PRKN: variants seen among roughly 807,000 people sequenced by gnomAD.
PRKN encodes the protein E3 ubiquitin-protein ligase parkin.
A neutral mutation model predicts 59.5 loss-of-function variants in PRKN; 56 were observed. That is an observed-to-expected ratio of 0.94 (90% CI 0.76 to 1.18). PRKN has a LOEUF of 1.18. Ranked by LOEUF, PRKN falls within the 50% of genes most tolerant of loss-of-function variation. PRKN has a pLI of 0.00. For missense variants in PRKN, 657 were observed against 596.4 expected, an observed-to-expected ratio of 1.10 and a Z score of -1.06; for synonymous variants, 250 against 222.1, an observed-to-expected ratio of 1.13 and a Z score of -1.12.
At chr6:161,887,477 T>C (rs1310629298) in intron 6 of PRKN, among the ~76,000 whole-genome samples, 1 of 152,220 alleles carries the variant, frequency 6.6e-6, no homozygotes, top group African/African-American at 2.4e-5. Flanking sequence ...CACTCCTTAA[T>C]TCACAGTATA....
At chr6:162,100,083 T>C (rs1373383038) in intron 4 of PRKN, among the ~76,000 whole-genome samples, 1 of 152,262 alleles carries the variant, frequency 6.6e-6, no homozygotes, top group Non-Finnish European at 1.5e-5. Flanking sequence ...GGTTCATCCA[T>C]GTTGTCACAG....
At chr6:161,845,814 A>T (rs1793175593) in intron 6 of PRKN, among the ~76,000 whole-genome samples, 1 of 152,180 alleles carries the variant, frequency 6.6e-6, no homozygotes, top group South Asian at 2.1e-4. Context: ...GATCTGATCC[A>T]TGACAGGGAG....
At chr6:161,491,921 C>T (rs984801309) in intron 9 of PRKN, among the ~76,000 whole-genome samples, 2 of 152,186 alleles carry the variant, frequency 1.3e-5, no homozygotes, top group African/African-American at 2.4e-5. Context: ...CGTGAGCCAC[C>T]GTGCCCGGCC....
chr6:162,328,184 C>A (rs902410705), intron 2 of PRKN, among the ~76,000 whole-genome samples: 3 of 50,390 alleles, frequency 6.0e-5, no homozygotes, highest in Non-Finnish European at 1.6e-4. Flanking sequence ...CATGGTGATA[C>A]CCCGTCTCTA....
In PRKN at chr6:162,384,895, G is replaced by C. The variant is rs1562720542; in HGVS notation, c.171+58415C>G. ...AGGCATCAGAGGCAGCATTACATTAGCTTCGAAGTCTTTATTTTCACTAAA... is the reference window on the plus strand; with the variant it reads ...AGGCATCAGAGGCAGCATTACATTACCTTCGAAGTCTTTATTTTCACTAAA... On this transcript the variant is annotated intron_variant, in intron 2 of 11. Transcript: ENST00000366898. 3.3e-5 allele frequency among the ~76,000 whole-genome samples: 5 copies of C among 152,038 alleles called. No individual in the cohort carries two copies. The South Asian group carries it at 1.0e-3, about 31-fold the overall frequency.
At position 161,397,501 on chromosome 6, in the gene PRKN, G is replaced by C. The variant is rs867040898; in HGVS notation, c.1084-10624C>G. ...ATTCTAACATCAAGCTTAATTGACT[G>C]CCTCTCTTCTAACAACTTCTCAAAA... On this transcript the variant is annotated intron_variant, in intron 9 of 11. Coordinates refer to ENST00000366898, the MANE Select transcript of PRKN (RefSeq NM_004562.3). This position sits in a 1 kb window ranked among gnomAD's most constrained non-coding sequence, Gnocchi z 4.2. Among the ~76,000 whole-genome samples, 18 of 152,270 alleles carry C rather than the reference G, an allele frequency of 1.2e-4. No homozygotes were observed. Among genetic ancestry groups the C allele is most frequent in the Middle Eastern group, 3.4e-3 (1 of 294 alleles).
chr6:161,682,262 G>A (rs4709541), intron 7 of PRKN, among the ~76,000 whole-genome samples: 40,762 of 152,058 alleles, frequency 0.27, 6,131 homozygotes, highest in Admixed American at 0.48. Flanking sequence ...GAGATTTTTC[G>A]GATTCCATAG....
At chr6:161,951,708 G>C (rs928728832) in intron 6 of PRKN, among the ~76,000 whole-genome samples, 14 of 152,114 alleles carry the variant, frequency 9.2e-5, no homozygotes, top group African/African-American at 3.4e-4. Context: ...TTGAGGTCAG[G>C]AGTTGGAGAC....
chr6:161,617,871 G>A (rs1008574776), intron 7 of PRKN, among the ~76,000 whole-genome samples: 7 of 152,182 alleles, frequency 4.6e-5, no homozygotes, highest in Admixed American at 3.3e-4. Flanking sequence ...CTGTTAAATC[G>A]GTAGATTCCT....
chr6:162,526,087 C>T (rs968755513), intron 1 of PRKN, among the ~76,000 whole-genome samples: 5 of 152,090 alleles, frequency 3.3e-5, no homozygotes, highest in African/African-American at 1.2e-4. Flanking sequence ...AAGCGATCCG[C>T]CTGCCTTGGC....
chr6:161,859,539 A>G (rs1793802747), intron 6 of PRKN, among the ~76,000 whole-genome samples: 1 of 140,770 alleles, frequency 7.1e-6, no homozygotes, highest in African/African-American at 2.6e-5. Context: ...TGAATCAGGG[A>G]GTTGGAGGTT....
Position 161,550,739 on chromosome 6 carries a change from G to A in PRKN, c.934-1736C>T, listed in dbSNP as rs1324327100. 3.8e-5 allele frequency among the ~76,000 whole-genome samples: 1 copy of A among 26,016 alleles called. No individual in the cohort carries two copies. Among genetic ancestry groups the A allele is most frequent in the African/African-American group, 1.7e-4 (1 of 5,954 alleles). 17.1% of individuals were successfully genotyped at this position (26,016 alleles called of 152,430 possible). On this transcript the variant is annotated intron_variant, in intron 8 of 11. Coordinates refer to ENST00000366898, the MANE Select transcript of PRKN (RefSeq NM_004562.3). This position sits in a 1 kb window ranked among gnomAD's most constrained non-coding sequence, Gnocchi z 4.0. ...AGAAAGGGTATGTGTGTGTGTGCAC[G>A]TGTGTGTGTGTGTGTGTGTGTGTAG... is the stretch of plus-strand genomic sequence containing the variant.
intron 2 of PRKN, among the ~76,000 whole-genome samples, chr6:162,433,940 T>G (rs1789654332): frequency 6.6e-6 from 1 of 152,176 alleles, no homozygotes; most frequent in South Asian, 2.1e-4. Flanking sequence ...TGTCAGAATA[T>G]TCTATTAATT....
At position 162,600,956 on chromosome 6, in the gene PRKN, G is replaced by A. The variant is rs143514830; in HGVS notation, c.7+126706C>T. Among the ~76,000 whole-genome samples, 622 of 152,166 alleles carry A rather than the reference G, an allele frequency of 4.1e-3. 3 individuals are homozygous for A. The highest frequency in any genetic ancestry group is 0.01 in the East Asian group (52 of 5,182). ...GTATCAGACATTTCTTTATAGTAGCGTAAGAATGGATAACATAGCTAGTAT... is the reference window on the plus strand; with the variant it reads ...GTATCAGACATTTCTTTATAGTAGCATAAGAATGGATAACATAGCTAGTAT... On this transcript the variant is annotated intron_variant, in intron 1 of 11. Coordinates refer to ENST00000366898, the MANE Select transcript of PRKN (RefSeq NM_004562.3).
At chr6:162,701,996 A>G (rs1323241369) in intron 1 of PRKN, among the ~76,000 whole-genome samples, 1 of 152,088 alleles carries the variant, frequency 6.6e-6, no homozygotes, top group Non-Finnish European at 1.5e-5. Context: ...GGTTTTAAAA[A>G]TCAAATTAAA....
intron 1 of PRKN, among the ~76,000 whole-genome samples, chr6:162,657,372 C>A (rs1303643781): frequency 2.0e-5 from 3 of 152,064 alleles, no homozygotes; most frequent in Non-Finnish European, 2.9e-5. Context: ...TGGGTATGAT[C>A]AAAATCCCCA....
chr6:162,524,275 A>G (rs971680783), intron 1 of PRKN, among the ~76,000 whole-genome samples: 2 of 152,226 alleles, frequency 1.3e-5, no homozygotes, highest in African/African-American at 4.8e-5. Context: ...CAGGATGACC[A>G]CATCCAATAA....
At chr6:161,890,009 T>C (rs954348278) in intron 6 of PRKN, among the ~76,000 whole-genome samples, 7 of 152,192 alleles carry the variant, frequency 4.6e-5, no homozygotes, top group African/African-American at 1.4e-4. Context: ...GAGGAGCAGC[T>C]GGGGTCTGAG....
At chr6:162,133,240 T>C (rs1781442074) in intron 4 of PRKN, among the ~76,000 whole-genome samples, 1 of 152,094 alleles carries the variant, frequency 6.6e-6, no homozygotes, top group Admixed American at 6.6e-5. Context: ...GATGATGGTG[T>C]TTGAACAAGA....
Sources: allele counts gnomAD v4.1 joint callset (sites outside exome capture counted in the v4.1 genomes callset), GRCh38; gene constraint gnomAD v4.1.1; non-coding constraint Gnocchi (gnomAD v3.1); transcripts MANE v1.5; gene names NCBI Gene and HGNC (gene_info 2026-07-23, HGNC 2026-07-21).